Variants in SNTG1 observed in about 807,000 individuals in gnomAD.
The protein encoded by SNTG1 is syntrophin gamma 1.
SNTG1 carries 39 observed loss-of-function variants against 74.7 expected under a neutral mutation model. The ratio of observed to expected loss-of-function variants is 0.52; its 90% confidence interval spans 0.40 to 0.68. SNTG1 has a LOEUF of 0.68. Among genes scored for constraint, SNTG1 ranks in the 30% least tolerant of loss-of-function variants. The probability of loss-of-function intolerance (pLI) is 0.00; values close to 1 mark genes in which losing one functional copy is unlikely to be tolerated. For missense variants in SNTG1, 685 were observed against 609.5 expected (o/e 1.12, Z -1.30); for synonymous variants, 254 against 217.1 (o/e 1.17, Z -1.49).
intron 2 of SNTG1, among the ~76,000 whole-genome samples, chr8:50,353,058 T>C (rs2091712729): frequency 6.6e-6 from 1 of 152,030 alleles, no homozygotes. Context: ...ATATACACCA[T>C]GGAATACTAT....
At chr8:50,430,052 C>T (rs1001271529) in intron 4 of SNTG1, among the ~76,000 whole-genome samples, 1 of 151,990 alleles carries the variant, frequency 6.6e-6, no homozygotes, top group Non-Finnish European at 1.5e-5. Flanking sequence ...CTGACAATTC[C>T]CATTTTCAAT....
At chr8:50,667,526 C>A (rs2095256413) in intron 15 of SNTG1, among the ~76,000 whole-genome samples, 1 of 151,984 alleles carries the variant, frequency 6.6e-6, no homozygotes, top group Admixed American at 6.6e-5. Context: ...AGCATAGTAA[C>A]TCAGGTCTTT....
chr8:50,020,543 T>C (rs1232400529), intron 1 of SNTG1, among the ~76,000 whole-genome samples: 1 of 152,206 alleles, frequency 6.6e-6, no homozygotes, highest in Non-Finnish European at 1.5e-5. Flanking sequence ...CTGTAAAATA[T>C]TTTCTTCTTA....
intron 12 of SNTG1, among the ~76,000 whole-genome samples, chr8:50,580,983 T>G (rs988173661): frequency 1.1e-4 from 17 of 152,182 alleles, no homozygotes; most frequent in African/African-American, 4.1e-4. Flanking sequence ...ATTTGAATTA[T>G]ATGTGATTTT....
chr8:50,663,670 C>T (rs2095236632), intron 15 of SNTG1, among the ~76,000 whole-genome samples: 6 of 152,194 alleles, frequency 3.9e-5, no homozygotes, highest in Admixed American at 3.9e-4. Flanking sequence ...ACTAAAATCT[C>T]AAGAAAGCCT....
chr8:50,504,433 C>T (rs1585493251), intron 9 of SNTG1, among the ~76,000 whole-genome samples: 1 of 152,168 alleles, frequency 6.6e-6, no homozygotes, highest in East Asian at 1.9e-4. Flanking sequence ...TATTTTATTA[C>T]AATAAGTACT....
At chr8:50,011,193 T>C (rs2130569020) in intron 1 of SNTG1, among the ~76,000 whole-genome samples, 1 of 152,268 alleles carries the variant, frequency 6.6e-6, no homozygotes, top group East Asian at 1.9e-4. Context: ...AACTAGAACA[T>C]GACAAACATT....
intron 2 of SNTG1, among the ~76,000 whole-genome samples, chr8:50,298,899 C>T (rs577022301): frequency 1.1e-3 from 164 of 152,182 alleles, no homozygotes; most frequent in Non-Finnish European, 1.8e-3. Flanking sequence ...CATATTCCTT[C>T]AAAATTGATC....
intron 2 of SNTG1, among the ~76,000 whole-genome samples, chr8:50,254,301 C>T (rs2129955521): frequency 6.6e-6 from 1 of 152,076 alleles, no homozygotes; most frequent in African/African-American, 2.4e-5. Context: ...AGAATAAAAC[C>T]CATGTAAGAT....
At chr8:50,042,895 C>A (rs977750794) in intron 1 of SNTG1, among the ~76,000 whole-genome samples, 5 of 152,222 alleles carry the variant, frequency 3.3e-5, no homozygotes, top group African/African-American at 4.8e-5. Flanking sequence ...TGGCTCGTTG[C>A]CAATTTTACC....
At chr8:50,117,828 C>T (rs1470764504) in intron 1 of SNTG1, among the ~76,000 whole-genome samples, 2 of 152,160 alleles carry the variant, frequency 1.3e-5, no homozygotes, top group African/African-American at 4.8e-5. Flanking sequence ...ATATTTTCTT[C>T]TTTAATATTA....
At chr8:50,100,401 T>A (rs1167480919) in intron 1 of SNTG1, among the ~76,000 whole-genome samples, 1 of 152,024 alleles carries the variant, frequency 6.6e-6, no homozygotes, top group Non-Finnish European at 1.5e-5. Flanking sequence ...ATTATATACT[T>A]TCAAACTGCT....
chr8:50,191,160 G>T (rs1257347378), intron 2 of SNTG1, among the ~76,000 whole-genome samples: 1 of 151,954 alleles, frequency 6.6e-6, no homozygotes, highest in African/African-American at 2.4e-5. Flanking sequence ...TGTTAGGCTG[G>T]GTTTTGTTTA....
At chr8:50,205,608 T>C (rs2084191381) in intron 2 of SNTG1, among the ~76,000 whole-genome samples, 1 of 152,214 alleles carries the variant, frequency 6.6e-6, no homozygotes. Context: ...TTTGTTGCAA[T>C]TGCTTTTGGT....
At chr8:50,140,417 G>A (rs994696609) in intron 1 of SNTG1, among the ~76,000 whole-genome samples, 1 of 152,098 alleles carries the variant, frequency 6.6e-6, no homozygotes, top group Non-Finnish European at 1.5e-5. Flanking sequence ...GTCTGAAAGA[G>A]AGTGTGTATG....
chr8:50,660,261 GGAGA>G (rs201824217), intron 15 of SNTG1, among the ~76,000 whole-genome samples: 3 of 143,170 alleles, frequency 2.1e-5, no homozygotes, highest in Non-Finnish European at 3.0e-5. Context: ...AAGGAGGGAA[GGAGA>G]GAGAGAGAGA....
At chr8:50,752,934 C>A (rs1050920392) in intron 18 of SNTG1, among the ~76,000 whole-genome samples, 1 of 151,936 alleles carries the variant, frequency 6.6e-6, no homozygotes, top group South Asian at 2.1e-4. Flanking sequence ...CTCGAGATGT[C>A]CCATTCTTGT....
intron 18 of SNTG1, among the ~76,000 whole-genome samples, chr8:50,780,427 C>T (rs1435502273): frequency 9.2e-5 from 14 of 152,146 alleles, no homozygotes; most frequent in Non-Finnish European, 2.1e-4. Context: ...CTGGTTTAGT[C>T]TTGGTAGCGT....
At chr8:50,011,119 C>T (rs895158927) in intron 1 of SNTG1, among the ~76,000 whole-genome samples, 22 of 152,054 alleles carry the variant, frequency 1.4e-4, no homozygotes, top group African/African-American at 5.3e-4. Context: ...ATGACACAAG[C>T]TCTGTAATAA....
Sources: gnomAD v4.1 joint callset for allele counts (sites outside exome capture counted in the v4.1 genomes callset) on GRCh38, gnomAD v4.1.1 for gene constraint, MANE v1.5 for transcripts, NCBI Gene and HGNC (gene_info 2026-07-23, HGNC 2026-07-21) for gene names.